The following ZNF566 variants were observed in gnomAD, a reference collection of about 807,000 sequenced individuals.
ZNF566 encodes the protein zinc finger protein 566.
A neutral mutation model predicts 32.8 loss-of-function variants in ZNF566; 27 were observed. The ratio of observed to expected loss-of-function variants is 0.82; its 90% CI spans 0.61 to 1.14. The LOEUF is 1.14. Ranked by LOEUF, ZNF566 falls within the 50% of genes most tolerant of loss-of-function variation. The probability of loss-of-function intolerance (pLI) is 0.00; values close to 1 mark genes in which losing one functional copy is unlikely to be tolerated. For synonymous variants in ZNF566, 154 were observed against 159.5 expected, an observed-to-expected ratio of 0.97 and a Z score of 0.26; for missense variants, 402 against 490.4, an observed-to-expected ratio of 0.82 and a Z score of 1.70.
intron 4 of ZNF566, among the ~76,000 whole-genome samples, chr19:36,470,521 G>A (rs572276717): frequency 2.2e-4 from 34 of 152,240 alleles, no homozygotes; most frequent in Middle Eastern, 3.4e-3. Flanking sequence ...AGCCATCACT[G>A]TATCTCAACC....
At chr19:36,473,580 G>T in intron 2 of ZNF566, 122 bp from the exon 3 acceptor site, 1 of 864,784 alleles carries the variant, frequency 1.2e-6, no homozygotes, top group East Asian at 2.9e-5. Context: ...GAATGTCTGG[G>T]AAGCAGTGGA....
intron 1 of ZNF566, 138 bp from the exon 2 acceptor site, chr19:36,476,754 T>A: frequency 3.1e-6 from 2 of 651,396 alleles, no homozygotes; most frequent in Non-Finnish European, 5.1e-6. Context: ...GTCTCTATCA[T>A]CCCTAGCTTC....
At chr19:36,476,241 G>C in intron 2 of ZNF566, 1 of 212,342 alleles carries the variant, frequency 4.7e-6, no homozygotes, top group South Asian at 8.7e-5. Flanking sequence ...TGGAGGCAGA[G>C]GTTGCAGTAA....
intron 4 of ZNF566, among the ~76,000 whole-genome samples, 161 bp downstream of exon 4, chr19:36,472,750 A>T (rs2033796230): frequency 6.6e-6 from 1 of 152,228 alleles, no homozygotes; most frequent in Non-Finnish European, 1.5e-5. Context: ...AAAGTGTGTT[A>T]GGTAAAGGGG....
intron 2 of ZNF566, chr19:36,476,287 C>T (rs1487429310): frequency 1.3e-5 from 4 of 319,158 alleles, no homozygotes; most frequent in South Asian, 1.1e-4. Flanking sequence ...GCCTAGAAGA[C>T]AGAGCGAGAC....
chr19:36,484,715 G>A (rs1235880742), intron 1 of ZNF566, among the ~76,000 whole-genome samples: 5 of 147,672 alleles, frequency 3.4e-5, no homozygotes, highest in South Asian at 2.2e-4. Flanking sequence ...AGAGCCTCCC[G>A]AATAGCTGGG....
chr19:36,449,214 T>C lies in ZNF566; in HGVS notation c.1020A>G (p.Glu340=). 1 of 1,614,076 alleles carries C rather than the reference T, an allele frequency of 6.2e-7. No individual in the cohort carries two copies. The highest frequency in any genetic ancestry group is 8.5e-7 in the Non-Finnish European group (1 of 1,179,990). ...GAAAAGCCTTTTCACATTCCTTACA[T>C]TCGTAAGGTTTCTCACCTGTATGGA... ...QRIHTGEKPY[E]CKECEKAFRS... Residue 340 remains glutamate (E), a synonymous_variant, in exon 5 of 5, where the codon GAA becomes GAG. Transcript: ENST00000452939.
At chr19:36,476,709 T>C (rs2033895288) in intron 1 of ZNF566, 93 bp from the exon 2 acceptor site, 10 of 1,051,586 alleles carry the variant, frequency 9.5e-6, no homozygotes, top group Non-Finnish European at 1.2e-5. Context: ...GCTTCAGAAA[T>C]GCTTGTGGGG....
At chr19:36,463,492 A>G (rs2033531644) in intron 4 of ZNF566, among the ~76,000 whole-genome samples, 1 of 151,842 alleles carries the variant, frequency 6.6e-6, no homozygotes, top group South Asian at 2.1e-4. Context: ...AACGTAATAA[A>G]GATATCAGTT....
chr19:36,465,457 T>C (rs1355999066), intron 4 of ZNF566, among the ~76,000 whole-genome samples: 2 of 150,948 alleles, frequency 1.3e-5, no homozygotes, highest in Non-Finnish European at 2.9e-5. Context: ...ATATACATTC[T>C]ATATATTCTA....
At chr19:36,460,674 T>A (rs2033439394) in intron 4 of ZNF566, among the ~76,000 whole-genome samples, 1 of 151,970 alleles carries the variant, frequency 6.6e-6, no homozygotes, top group Admixed American at 6.6e-5. Context: ...ACTTACAAAT[T>A]TTGTGAAAGA....
At chr19:36,457,151 G>T (rs905831363) in intron 4 of ZNF566, among the ~76,000 whole-genome samples, 1 of 152,078 alleles carries the variant, frequency 6.6e-6, no homozygotes, top group Non-Finnish European at 1.5e-5. Flanking sequence ...CACACAATGG[G>T]GAAAAGACAG....
chr19:36,473,642 G>A (rs1311769850), intron 2 of ZNF566, among the ~76,000 whole-genome samples, 184 bp from the exon 3 acceptor site: 1 of 152,158 alleles, frequency 6.6e-6, no homozygotes, highest in East Asian at 1.9e-4. Context: ...AGGTCATTCT[G>A]TTTCCTCCAA....
chr19:36,473,410 ACTC>A lies in ZNF566; in HGVS notation c.55_57del (p.Glu19del). On this transcript the variant is annotated inframe_deletion, in exon 3 of 5. Coordinates refer to ENST00000452939, the MANE Select transcript of ZNF566 (RefSeq NM_001145344.1). ...CTCTGATCATCATTCAGGCATTCCC[ACTC>A]CTCCTGAGAGAAGTCTACGGACACA... 6.2e-7 allele frequency: 1 copy of A among 1,612,938 alleles called. No individual in the cohort carries two copies. The highest frequency in any genetic ancestry group is 8.5e-7 in the Non-Finnish European group (1 of 1,179,492).
intron 4 of ZNF566, 26 bp from the exon 5 acceptor site, chr19:36,450,027 C>T: frequency 1.3e-6 from 2 of 1,549,738 alleles, no homozygotes; most frequent in South Asian, 2.5e-5. Context: ...AAAGTAATCA[C>T]TCACATTTTT....
At chr19:36,486,295 C>T (rs142461574) in intron 1 of ZNF566, among the ~76,000 whole-genome samples, 302 of 152,276 alleles carry the variant, frequency 2.0e-3, no homozygotes, top group African/African-American at 7.0e-3. Context: ...CTTCTATCAG[C>T]ATAAATTTCC....
chr19:36,477,523 TC>T (rs1568528952), intron 1 of ZNF566, among the ~76,000 whole-genome samples: 20 of 115,480 alleles, frequency 1.7e-4, no homozygotes, highest in African/African-American at 6.6e-4. Context: ...GTTTTCTGTT[TC>T]TGTTTTTTTT....
rs150055643 is a variant in ZNF566 at position 36,468,224 on chromosome 19, G to A, written c.232+4687C>T. 2.1e-3 allele frequency among the ~76,000 whole-genome samples: 319 copies of A among 150,364 alleles called. 3 individuals carry two copies. Among genetic ancestry groups the A allele is most frequent in the Non-Finnish European group, 2.0e-3 (137 of 67,830 alleles). Reference sequence around the variant, plus strand: ...AAAAAAATTAAAGTTTGACAATACCGTACATTAGGAAGCATGTGCAACAAT... The same window carrying A: ...AAAAAAATTAAAGTTTGACAATACCATACATTAGGAAGCATGTGCAACAAT... On this transcript the variant is annotated intron_variant, in intron 4 of 4. Transcript: ENST00000452939.
intron 4 of ZNF566, among the ~76,000 whole-genome samples, chr19:36,450,688 C>T (rs1179764466): frequency 6.6e-6 from 1 of 152,072 alleles, no homozygotes; most frequent in African/African-American, 2.4e-5. Context: ...AATGATCACA[C>T]TGTTAACAGG....
Sources: allele counts gnomAD v4.1 joint callset (sites outside exome capture counted in the v4.1 genomes callset), GRCh38; gene constraint gnomAD v4.1.1; transcripts MANE v1.5; gene names NCBI Gene and HGNC (gene_info 2026-07-23, HGNC 2026-07-21).